Variants in PDE4D observed in about 807,000 individuals in gnomAD.
PDE4D encodes phosphodiesterase 4D, also known as 3',5'-cyclic-AMP phosphodiesterase 4D.
A neutral mutation model predicts 87.4 loss-of-function variants in PDE4D; 24 were observed. That is an observed-to-expected ratio of 0.27 (90% CI 0.20 to 0.39). The LOEUF is 0.39. Among genes scored for constraint, PDE4D ranks in the 10% least tolerant of loss-of-function variants. The pLI is 1.00. For synonymous variants in PDE4D, 384 were observed against 383.2 expected (o/e 1.00, Z -0.02); for missense variants, 714 against 1,041.0 (o/e 0.69, Z 4.32).
chr5:60,038,409 A>G (rs1483483276), intron 2 of PDE4D, among the ~76,000 whole-genome samples: 2 of 151,954 alleles, frequency 1.3e-5, no homozygotes, highest in Non-Finnish European at 2.9e-5. Flanking sequence ...TCTTTTTCTC[A>G]GGTTCGTCAA....
intron 3 of PDE4D, among the ~76,000 whole-genome samples, chr5:59,964,133 A>G (rs1299795704): frequency 6.6e-6 from 1 of 152,184 alleles, no homozygotes; most frequent in African/African-American, 2.4e-5. Context: ...GGAAAGGCCA[A>G]TGTAATGGGC....
chr5:60,174,289 G>A (rs1211435902), intron 2 of PDE4D, among the ~76,000 whole-genome samples: 1 of 152,086 alleles, frequency 6.6e-6, no homozygotes, highest in Non-Finnish European at 1.5e-5. Flanking sequence ...TAAGGAACAT[G>A]CAGTCTCAGA....
chr5:59,467,137 C>A (rs1052333111), intron 1 of PDE4D, among the ~76,000 whole-genome samples: 1 of 152,134 alleles, frequency 6.6e-6, no homozygotes, highest in African/African-American at 2.4e-5. Flanking sequence ...AGAAACCAAC[C>A]CTGCTCTCTT....
At position 60,219,499 on chromosome 5, in the gene PDE4D, G is replaced by A. The variant is rs564500643; in HGVS notation, c.-89-33812C>T. 3.9e-5 allele frequency among the ~76,000 whole-genome samples: 6 copies of A among 152,244 alleles called. No homozygotes were observed. In the South Asian group the frequency reaches 8.3e-4, roughly 21 times the overall value. On this transcript the variant is annotated intron_variant, in intron 1 of 16. Coordinates refer to the PDE4D transcript ENST00000502484. ...AGAAAGTTTTCAATACTTGCTCCAC[G>A]TCAGATACGTGGGATACACCTAAGT...
rs1580315005 is a variant in PDE4D at position 59,016,690 on chromosome 5, C to G, written c.921+22169G>C. Among the ~76,000 whole-genome samples, 5 of 152,130 alleles carry G rather than the reference C, an allele frequency of 3.3e-5. 1 individual carries two copies. In the South Asian group the frequency reaches 1.0e-3, roughly 32 times the overall value. On this transcript the variant is annotated intron_variant, in intron 6 of 14. Transcript: ENST00000340635. ...CTTGACATTTATTAACAAACAAATACAAACGAAAATACCAGGGTTCCAAGT... is the reference window on the plus strand; with the variant it reads ...CTTGACATTTATTAACAAACAAATAGAAACGAAAATACCAGGGTTCCAAGT...
chr5:60,430,053 T>G, intron 1 of PDE4D: 1 of 523,584 alleles, frequency 1.9e-6, no homozygotes, highest in Admixed American at 1.9e-5. Flanking sequence ...TGCTTATTCC[T>G]TTGGCCCAGA....
At chr5:59,551,072 T>G (rs1258012962) in intron 1 of PDE4D, among the ~76,000 whole-genome samples, 1 of 152,048 alleles carries the variant, frequency 6.6e-6, no homozygotes, top group East Asian at 1.9e-4. Flanking sequence ...CCCTTTTCAT[T>G]TGCCTTTACG....
intron 1 of PDE4D, among the ~76,000 whole-genome samples, chr5:59,729,850 A>G (rs1757129174): frequency 6.6e-6 from 1 of 152,108 alleles, no homozygotes. Flanking sequence ...TGGGGTTGTA[A>G]CCATGAAACC....
intron 1 of PDE4D, among the ~76,000 whole-genome samples, chr5:59,584,227 A>G (rs760317549): frequency 3.3e-5 from 5 of 152,196 alleles, no homozygotes; most frequent in African/African-American, 4.8e-5. Flanking sequence ...AGGGGAGGCT[A>G]TAAATAAGAG....
Position 59,646,871 on chromosome 5 carries a change from T to C in PDE4D, c.455+246297A>G, listed in dbSNP as rs192147926. Among the ~76,000 whole-genome samples, 983 of 152,068 alleles carry C rather than the reference T, an allele frequency of 6.5e-3. 15 individuals carry two copies. The highest frequency in any genetic ancestry group is 0.022 in the African/African-American group (916 of 41,476). On this transcript the variant is annotated intron_variant, in intron 1 of 14. Transcript: ENST00000340635. ...TAACATGGTGAAACCCTGTCTCTAC[T>C]AAAACTACAAAAAATTAGCTGATCA...
rs575615403 is a variant in PDE4D, at chr5:60,199,851, T to G, written c.-89-14164A>C. 1.1e-3 allele frequency among the ~76,000 whole-genome samples: 167 copies of G among 151,844 alleles called. 2 individuals are homozygous for G. The highest frequency in any genetic ancestry group is 3.8e-3 in the African/African-American group (159 of 41,502). ...TACAGATTATCTCATTCATAAATAT[T>G]ACTAAGGAAAGAGACCCCATATTCC... On this transcript the variant is annotated intron_variant, in intron 1 of 16. Coordinates refer to the PDE4D transcript ENST00000502484.
rs541172840 is a variant in PDE4D at position 60,418,679 on chromosome 5, A to T, written c.-90+69263T>A. Among the ~76,000 whole-genome samples the T allele has an allele frequency of 5.9e-5, 9 of 152,232 alleles. No homozygotes were observed. The South Asian group carries it at 1.9e-3, about 32-fold the overall frequency. On this transcript the variant is annotated intron_variant, in intron 1 of 16. Coordinates refer to the PDE4D transcript ENST00000502484. ...GAGACATGCAATGTGAAATAATCAC[A>T]TCATAGAGAATGGAGTATCCATTCC...
chr5:59,740,666 A>G (rs1758705947), intron 1 of PDE4D, among the ~76,000 whole-genome samples: 1 of 152,212 alleles, frequency 6.6e-6, no homozygotes, highest in South Asian at 2.1e-4. Flanking sequence ...GCTAAGAACA[A>G]GGAGATAATG....
intron 1 of PDE4D, among the ~76,000 whole-genome samples, chr5:59,465,516 AT>A (rs996312196): frequency 1.3e-5 from 2 of 152,138 alleles, no homozygotes; most frequent in South Asian, 2.1e-4. Flanking sequence ...CACAACACTG[AT>A]TTTTTAAAAT....
intron 1 of PDE4D, among the ~76,000 whole-genome samples, chr5:59,692,077 G>C (rs936882610): frequency 7.2e-5 from 11 of 152,064 alleles, no homozygotes; most frequent in Admixed American, 5.2e-4. Context: ...GCTTTAGACT[G>C]TGATATTACC....
chr5:59,376,810 C>T (rs1050722722), intron 1 of PDE4D, among the ~76,000 whole-genome samples: 7 of 152,106 alleles, frequency 4.6e-5, no homozygotes, highest in Non-Finnish European at 8.8e-5. Flanking sequence ...GTAACCAAAA[C>T]GGCATGGTAC....
At chr5:59,850,160 A>G (rs1181399169) in intron 1 of PDE4D, among the ~76,000 whole-genome samples, 1 of 152,082 alleles carries the variant, frequency 6.6e-6, no homozygotes, top group East Asian at 1.9e-4. Context: ...TTTAACACGT[A>G]CATACTGACA....
intron 1 of PDE4D, among the ~76,000 whole-genome samples, chr5:59,612,308 TA>T (rs1829115595): frequency 2.4e-5 from 1 of 41,136 alleles, no homozygotes; most frequent in South Asian, 1.6e-3. Flanking sequence ...ATGGATGTTC[TA>T]ATTTTTTTTT....
chr5:59,760,566 G>A (rs1761845013), intron 1 of PDE4D, among the ~76,000 whole-genome samples: 1 of 152,064 alleles, frequency 6.6e-6, no homozygotes, highest in Non-Finnish European at 1.5e-5. Flanking sequence ...AGTATAAATT[G>A]ACAATGTTTT....
Sources: allele counts gnomAD v4.1 joint callset (sites outside exome capture counted in the v4.1 genomes callset), GRCh38; gene constraint gnomAD v4.1.1; transcripts MANE v1.5; gene names NCBI Gene and HGNC (gene_info 2026-07-23, HGNC 2026-07-21).